Variants in FYB2 observed in about 807,000 individuals in gnomAD.
The protein encoded by FYB2 is FYN binding protein 2.
A neutral mutation model predicts 94.1 loss-of-function variants in FYB2; 103 were observed. The ratio of observed to expected loss-of-function variants is 1.09; its 90% CI spans 0.93 to 1.29. FYB2 has a LOEUF of 1.29. Ranked by LOEUF, FYB2 falls within the 50% of genes most tolerant of loss-of-function variation. The pLI, the probability that FYB2 is intolerant of heterozygous loss-of-function variation, is 0.00. For missense variants in FYB2, 896 were observed against 841.5 expected (o/e 1.06, Z -0.80); for synonymous variants, 293 against 287.9 (o/e 1.02, Z -0.18).
chr1:56,765,297 T>C (rs1645595586), intron 5 of FYB2, among the ~76,000 whole-genome samples: 1 of 152,188 alleles, frequency 6.6e-6, no homozygotes, highest in South Asian at 2.1e-4. Flanking sequence ...CACCATCCTT[T>C]GAGGTAGGGA....
intron 4 of FYB2, among the ~76,000 whole-genome samples, chr1:56,775,690 T>C (rs540273941): frequency 4.0e-4 from 61 of 152,272 alleles, no homozygotes; most frequent in Non-Finnish European, 6.8e-4. Context: ...TATACCATCT[T>C]ACACAGGGGA....
chr1:56,778,346 T>A (rs1392917518), intron 4 of FYB2, among the ~76,000 whole-genome samples: 1 of 152,234 alleles, frequency 6.6e-6, no homozygotes, highest in Non-Finnish European at 1.5e-5. Context: ...TTGTAACTAG[T>A]TTAATTTTCT....
At chr1:56,735,552 C>T (rs1010447640) in intron 15 of FYB2, among the ~76,000 whole-genome samples, 1 of 152,026 alleles carries the variant, frequency 6.6e-6, no homozygotes, top group African/African-American at 2.4e-5. Flanking sequence ...TATGGTCAGG[C>T]TTTGTGTCTC....
chr1:56,749,681 C>T (rs1474720335), intron 9 of FYB2, among the ~76,000 whole-genome samples: 2 of 151,924 alleles, frequency 1.3e-5, no homozygotes, highest in African/African-American at 4.8e-5. Flanking sequence ...CACTGGTTTT[C>T]CCTCACTGTG....
intron 9 of FYB2, among the ~76,000 whole-genome samples, chr1:56,747,275 T>C (rs1037909768): frequency 3.9e-5 from 6 of 151,900 alleles, no homozygotes; most frequent in African/African-American, 1.2e-4. Flanking sequence ...TTATTTTACT[T>C]TAAGTTCTGA....
At chr1:56,778,229 C>G (rs1570116053) in intron 4 of FYB2, among the ~76,000 whole-genome samples, 1 of 152,306 alleles carries the variant, frequency 6.6e-6, no homozygotes, top group African/African-American at 2.4e-5. Flanking sequence ...CCTTCTTCAG[C>G]CAACTTTCCC....
intron 1 of FYB2, among the ~76,000 whole-genome samples, chr1:56,805,717 C>T (rs1311329460): frequency 6.6e-6 from 1 of 152,132 alleles, no homozygotes. Context: ...CAAATCTTTC[C>T]TGTGCTGCTC....
intron 1 of FYB2, among the ~76,000 whole-genome samples, chr1:56,799,258 T>C (rs1646467106): frequency 6.6e-6 from 1 of 151,938 alleles, no homozygotes. Context: ...GCAATAAATA[T>C]ACAAATATAT....
At position 56,755,908 on chromosome 1, in the gene FYB2, T is replaced by C. The variant is rs761955890; in HGVS notation, c.1118A>G (p.Tyr373Cys). ...AGATAAAACTCACCTAGGTTCTGGATAGGGAAAATTCTTCCCAGGCTGAAA... is the reference window on the plus strand; with the variant it reads ...AGATAAAACTCACCTAGGTTCTGGACAGGGAAAATTCTTCCCAGGCTGAAA... ...ELQKPGKNFP[Y>C]PEPSAKHEDK... is the part of the protein sequence containing the mutation. The change falls in exon 7 of 20, where the codon TAT (tyrosine) becomes TGT (cysteine). Residue 373 changes from tyrosine to cysteine, a missense_variant. Transcript: ENST00000343433. 5 of 1,608,934 alleles carry C rather than the reference T, an allele frequency of 3.1e-6. No individual in the cohort carries two copies. Among genetic ancestry groups the C allele is most frequent in the Admixed American group, 3.3e-5 (2 of 59,800 alleles).
chr1:56,746,260 G>A (rs114212437), intron 9 of FYB2, among the ~76,000 whole-genome samples: 3,480 of 152,000 alleles, frequency 0.023, 66 homozygotes, highest in Non-Finnish European at 0.035. Context: ...TTTGAATTTC[G>A]AATGATTTGA....
At chr1:56,737,879 G>A (rs1644864564) in intron 14 of FYB2, among the ~76,000 whole-genome samples, 1 of 151,998 alleles carries the variant, frequency 6.6e-6, no homozygotes, top group Admixed American at 6.6e-5. Flanking sequence ...CACAGACCAA[G>A]GATATGTTGA....
At chr1:56,799,859 C>T (rs780908585) in intron 1 of FYB2, among the ~76,000 whole-genome samples, 19 of 152,172 alleles carry the variant, frequency 1.2e-4, no homozygotes, top group Non-Finnish European at 1.9e-4. Context: ...CAGCAAGCTG[C>T]CTTGGACAAG....
intron 4 of FYB2, among the ~76,000 whole-genome samples, chr1:56,768,415 G>A (rs1570076877): frequency 6.6e-6 from 1 of 152,128 alleles, no homozygotes; most frequent in South Asian, 2.1e-4. Context: ...TCTGTAAAAC[G>A]AGTACTAAAC....
At chr1:56,806,471 TG>T (rs1485158074) in intron 1 of FYB2, among the ~76,000 whole-genome samples, 1 of 151,984 alleles carries the variant, frequency 6.6e-6, no homozygotes, top group African/African-American at 2.4e-5. Context: ...AAATGTGAGA[TG>T]AGAAGGAGAA....
chr1:56,738,996 T>C (rs867762402), intron 13 of FYB2, among the ~76,000 whole-genome samples: 1 of 151,920 alleles, frequency 6.6e-6, no homozygotes, highest in Non-Finnish European at 1.5e-5. Flanking sequence ...ACCATGAGAA[T>C]GTCATGTTCA....
chr1:56,768,037 G>T, intron 4 of FYB2, 99 bp from the exon 5 acceptor site: 1 of 858,886 alleles, frequency 1.2e-6, no homozygotes, highest in Non-Finnish European at 1.8e-6. Context: ...ATGTGTGTCT[G>T]GCCAATATGG....
chr1:56,784,605 C>T (rs951014149), intron 4 of FYB2, among the ~76,000 whole-genome samples: 12 of 152,150 alleles, frequency 7.9e-5, no homozygotes, highest in Non-Finnish European at 1.5e-4. Context: ...GATCCAACCT[C>T]ATCTCTTAAT....
intron 4 of FYB2, among the ~76,000 whole-genome samples, chr1:56,777,729 G>A (rs905060763): frequency 3.9e-5 from 6 of 152,054 alleles, no homozygotes; most frequent in Non-Finnish European, 8.8e-5. Flanking sequence ...ACATGAGGCT[G>A]TTTCCTGCCT....
intron 9 of FYB2, among the ~76,000 whole-genome samples, chr1:56,745,501 T>C (rs1056905661): frequency 6.6e-6 from 1 of 151,938 alleles, no homozygotes; most frequent in Non-Finnish European, 1.5e-5. Flanking sequence ...CTCTCTCATT[T>C]CTCACTTCCA....
Sources: allele counts gnomAD v4.1 joint callset (sites outside exome capture counted in the v4.1 genomes callset), GRCh38; gene constraint gnomAD v4.1.1; transcripts MANE v1.5; gene names NCBI Gene and HGNC (gene_info 2026-07-23, HGNC 2026-07-21).